PACSIN2: variants seen among roughly 807,000 people sequenced by gnomAD.
PACSIN2 encodes the protein protein kinase C and casein kinase substrate in neurons 2.
A neutral mutation model predicts 63.8 loss-of-function variants in PACSIN2; 25 were observed. The observed-to-expected ratio is 0.39, with a 90% CI of 0.29 to 0.55. The LOEUF (loss-of-function observed/expected upper bound fraction) is 0.55, where lower values mean the gene tolerates loss of function less well. Among genes scored for constraint, PACSIN2 ranks in the 20% least tolerant of loss-of-function variants. PACSIN2 has a pLI of 0.62. For synonymous variants in PACSIN2, 255 were observed against 256.2 expected, an observed-to-expected ratio of 1.00 and a Z score of 0.05; for missense variants, 518 against 646.9, an observed-to-expected ratio of 0.80 and a Z score of 2.16.
At chr22:42,972,375 C>T (rs1042853022) in intron 1 of PACSIN2, among the ~76,000 whole-genome samples, 1 of 152,176 alleles carries the variant, frequency 6.6e-6, no homozygotes, top group African/African-American at 2.4e-5. Context: ...TTGCGGAAGG[C>T]CGCAGGGTCC....
chr22:42,882,475 C>T (rs1929157654), intron 6 of PACSIN2, among the ~76,000 whole-genome samples, 171 bp from the exon 7 acceptor site: 3 of 152,146 alleles, frequency 2.0e-5, no homozygotes, highest in South Asian at 2.1e-4. Flanking sequence ...CGGGCCGCCA[C>T]GTGCACAGAT....
At position 42,912,011 on chromosome 22, in the gene PACSIN2, G is replaced by C. The variant is rs1222082502; in HGVS notation, c.60+10C>G. On this transcript the variant is annotated intron_variant, in intron 2 of 10. Transcript: ENST00000263246. ...CCACTTCATTCACTGGAAGAAAGCA[G>C]GTGCATTACCTCCCAGAAGCTGTCG... The C allele has an allele frequency of 1.3e-6, 2 of 1,591,736 alleles. No homozygotes were observed. Among genetic ancestry groups the C allele is most frequent in the South Asian group, 2.3e-5 (2 of 88,546 alleles).
intron 1 of PACSIN2, among the ~76,000 whole-genome samples, chr22:43,008,601 T>C (rs1924252038): frequency 6.6e-6 from 1 of 152,212 alleles, no homozygotes; most frequent in Admixed American, 6.5e-5. Flanking sequence ...TCAGAATGTG[T>C]ACTCTTTCAA....
intron 1 of PACSIN2, among the ~76,000 whole-genome samples, chr22:42,986,718 G>A (rs1922640988): frequency 6.6e-6 from 1 of 152,096 alleles, no homozygotes; most frequent in Non-Finnish European, 1.5e-5. Flanking sequence ...GCTATGACCT[G>A]AAGACAAAGA....
rs1455372306 is a variant in PACSIN2, at chr22:42,952,625, G to A, written c.-77-40468C>T. Among the ~76,000 whole-genome samples, 3 of 150,604 alleles carry A rather than the reference G, an allele frequency of 2.0e-5. 1 individual carries two copies. Among genetic ancestry groups the A allele is most frequent in the African/African-American group, 7.3e-5 (3 of 40,916 alleles). ...GCCCACCTTGGCCTCCCAAAGTGCTGGGATTATAGACGTTGAGCCACCACA... is the reference window on the plus strand; with the variant it reads ...GCCCACCTTGGCCTCCCAAAGTGCTAGGATTATAGACGTTGAGCCACCACA... On this transcript the variant is annotated intron_variant, in intron 1 of 10. Coordinates refer to ENST00000263246, the MANE Select transcript of PACSIN2 (RefSeq NM_001184970.3).
intron 2 of PACSIN2, among the ~76,000 whole-genome samples, chr22:42,902,677 G>A (rs958313528): frequency 6.6e-6 from 1 of 152,134 alleles, no homozygotes; most frequent in African/African-American, 2.4e-5. Context: ...GCAGTGGCAT[G>A]ATCTCGGCTC....
intron 1 of PACSIN2, among the ~76,000 whole-genome samples, chr22:42,989,401 GGCAGGAGAATC>G (rs1922851485): frequency 6.6e-6 from 1 of 151,802 alleles, no homozygotes; most frequent in South Asian, 2.1e-4. Flanking sequence ...AGGAGGCTGA[GGCAGGAGAATC>G]GCTTGAACCT....
At chr22:42,934,826 C>T (rs1384917345) in intron 1 of PACSIN2, among the ~76,000 whole-genome samples, 2 of 152,212 alleles carry the variant, frequency 1.3e-5, no homozygotes, top group Non-Finnish European at 2.9e-5. Flanking sequence ...ACCCACAGCT[C>T]CTCAGTGAGG....
chr22:42,919,726 T>G (rs1180011858), intron 1 of PACSIN2, among the ~76,000 whole-genome samples: 3 of 131,354 alleles, frequency 2.3e-5, no homozygotes, highest in Non-Finnish European at 4.6e-5. Flanking sequence ...TGAGCCGAGA[T>G]TGCACCACTG....
chr22:42,935,742 C>G (rs754200952), intron 1 of PACSIN2, among the ~76,000 whole-genome samples: 1 of 152,124 alleles, frequency 6.6e-6, no homozygotes. Flanking sequence ...ACACTGGTCC[C>G]GAGGGAACAC....
intron 1 of PACSIN2, among the ~76,000 whole-genome samples, chr22:42,969,904 TA>T (rs796766361): frequency 1.0e-3 from 122 of 117,788 alleles, no homozygotes; most frequent in Middle Eastern, 7.9e-3. Flanking sequence ...TGCTGGCCCT[TA>T]AAAAAAAAAA....
intron 1 of PACSIN2, among the ~76,000 whole-genome samples, chr22:42,917,433 C>A (rs1404414529): frequency 6.6e-6 from 1 of 152,106 alleles, no homozygotes; most frequent in East Asian, 1.9e-4. Flanking sequence ...ATAGTGAGAT[C>A]CCATCTCTAC....
intron 1 of PACSIN2, among the ~76,000 whole-genome samples, chr22:42,921,044 G>C (rs1229844144): frequency 2.0e-5 from 3 of 151,900 alleles, no homozygotes; most frequent in Admixed American, 2.0e-4. Flanking sequence ...GATCCACTGT[G>C]CCTGCTCCAG....
Position 42,985,653 on chromosome 22 carries a change from GAC to G in PACSIN2, c.-78+29366_-78+29367del, listed in dbSNP as rs369183239. ...AGGACAAAGAACAGCCCCTCCAACA[GAC>G]ACACACACAGACACATTCACATGTC... On this transcript the variant is annotated intron_variant, in intron 1 of 10. Transcript: ENST00000263246. Among the ~76,000 whole-genome samples the G allele has an allele frequency of 3.8e-3, 579 of 152,224 alleles. 3 individuals carry two copies. Among genetic ancestry groups the G allele is most frequent in the African/African-American group, 0.013 (555 of 41,542 alleles).
chr22:42,882,413 G>A lies in PACSIN2; in HGVS notation c.786-109C>T, dbSNP rs1929151911. 5 of 1,273,256 alleles carry A rather than the reference G, an allele frequency of 3.9e-6. No homozygotes were observed. In the African/African-American group the frequency reaches 5.9e-5, roughly 15 times the overall value. The allele number at this position is 1,273,256 out of a possible 1,614,324, so 78.9% of individuals were successfully genotyped here. A position where few individuals can be genotyped will look rare whatever the true frequency, so the allele number is the denominator to read the frequency against. ...CCGTGGTCTCTGCCCTCTGTGAGTT[G>A]GTTTCACAGACAGAGCCAGAACACT... On this transcript the variant is annotated intron_variant, in intron 6 of 10. Coordinates refer to ENST00000263246, the MANE Select transcript of PACSIN2 (RefSeq NM_001184970.3).
chr22:42,991,919 C>G (rs112822056), intron 1 of PACSIN2, among the ~76,000 whole-genome samples: 1 of 151,626 alleles, frequency 6.6e-6, no homozygotes, highest in East Asian at 1.9e-4. Context: ...CATTTCTAGA[C>G]GAGACATGAG....
intron 1 of PACSIN2, among the ~76,000 whole-genome samples, chr22:42,937,456 C>A (rs1036966391): frequency 1.3e-5 from 2 of 152,158 alleles, no homozygotes; most frequent in Non-Finnish European, 2.9e-5. Flanking sequence ...GAAGACAAAA[C>A]AAAATGACCT....
At chr22:42,994,071 G>A (rs1353219359) in intron 1 of PACSIN2, among the ~76,000 whole-genome samples, 2 of 152,198 alleles carry the variant, frequency 1.3e-5, no homozygotes, top group Admixed American at 6.5e-5. Flanking sequence ...TCAAATATGA[G>A]CTCTCAAGAA....
In PACSIN2 at chr22:42,871,330, T is replaced by TC. The variant is rs3842298; in HGVS notation, c.*26dup. On this transcript the variant is annotated 3_prime_UTR_variant, in exon 11 of 11. Coordinates refer to ENST00000263246, the MANE Select transcript of PACSIN2 (RefSeq NM_001184970.3). This position sits in a 1 kb window ranked among gnomAD's most constrained non-coding sequence, Gnocchi z 5.4. ...GAGGCTCCTGGGCCCGCCGCCTCCG[T>TC]CCCCCCGCTGGCCTGTCCCCGACTC... 0.45 allele frequency: 658,572 copies of TC among 1,463,618 alleles called. 152,334 individuals are homozygous for TC. The highest frequency in any genetic ancestry group is 0.49 in the Middle Eastern group (2,825 of 5,762). The allele number at this position is 1,463,618 out of a possible 1,614,324, so 90.7% of individuals were successfully genotyped here. A position where few individuals can be genotyped will look rare whatever the true frequency, so the allele number is the denominator to read the frequency against.
Sources: gnomAD v4.1 joint callset for allele counts (sites outside exome capture counted in the v4.1 genomes callset) on GRCh38, gnomAD v4.1.1 for gene constraint, Gnocchi (gnomAD v3.1) non-coding constraint, MANE v1.5 for transcripts, NCBI Gene and HGNC (gene_info 2026-07-23, HGNC 2026-07-21) for gene names.